The following OPCML variants were observed in gnomAD, a reference collection of about 807,000 sequenced individuals.
OPCML encodes opioid binding protein/cell adhesion molecule like, also known as opioid-binding protein/cell adhesion molecule.
OPCML carries 13 observed loss-of-function variants against 37.8 expected under a neutral mutation model. That is an observed-to-expected ratio of 0.34 (90% CI 0.22 to 0.55). The LOEUF is 0.55. Ranked by LOEUF, OPCML falls within the 20% of genes least tolerant of loss-of-function variation. The pLI, the probability that OPCML is intolerant of heterozygous loss-of-function variation, is 0.91. For synonymous variants in OPCML, 176 were observed against 168.8 expected (o/e 1.04, Z -0.33); for missense variants, 341 against 435.6 (o/e 0.78, Z 1.93).
At chr11:132,841,860 CAAAAAAAAAAA>C (rs71067402) in intron 2 of OPCML, among the ~76,000 whole-genome samples, 29 of 34,694 alleles carry the variant, frequency 8.4e-4, no homozygotes, top group Admixed American at 3.3e-3. Context: ...CACTCTATCT[CAAAAAAAAAAA>C]AAAAAAAAAA....
At chr11:133,271,194 C>A (rs1180120763) in intron 1 of OPCML, among the ~76,000 whole-genome samples, 1 of 152,112 alleles carries the variant, frequency 6.6e-6, no homozygotes, top group Non-Finnish European at 1.5e-5. Context: ...ATGCCTACCT[C>A]AAAACATTTT....
intron 4 of OPCML, among the ~76,000 whole-genome samples, chr11:132,494,657 C>G (rs2096225765): frequency 1.3e-5 from 2 of 152,164 alleles, no homozygotes; most frequent in Admixed American, 1.3e-4. Flanking sequence ...TGCAAGATTT[C>G]TATGATTTTT....
intron 1 of OPCML, chr11:133,065,458 G>GC (rs1454319513): frequency 6.6e-6 from 1 of 152,204 alleles, no homozygotes; most frequent in East Asian, 1.9e-4. Flanking sequence ...AGACAAATGT[G>GC]CCCCAGAGCC....
intron 1 of OPCML, among the ~76,000 whole-genome samples, chr11:133,255,434 A>C (rs1941213): frequency 0.32 from 48,351 of 151,954 alleles, 8,782 homozygotes; most frequent in East Asian, 0.82. Flanking sequence ...TGAGATTGGA[A>C]AAAAAAATCC....
At chr11:132,564,544 G>T (rs1320122767) in intron 3 of OPCML, among the ~76,000 whole-genome samples, 3 of 152,188 alleles carry the variant, frequency 2.0e-5, no homozygotes, top group African/African-American at 4.8e-5. Flanking sequence ...CATTTCTGGA[G>T]CTCCGCATAA....
chr11:133,379,433 A>G (rs1944885753), intron 1 of OPCML, among the ~76,000 whole-genome samples: 2 of 152,210 alleles, frequency 1.3e-5, no homozygotes, highest in African/African-American at 2.4e-5. Context: ...TTGTGTGCTC[A>G]TCAGGAAATT....
intron 1 of OPCML, among the ~76,000 whole-genome samples, chr11:133,388,831 T>C (rs1184609823): frequency 6.6e-6 from 1 of 152,234 alleles, no homozygotes; most frequent in Non-Finnish European, 1.5e-5. Context: ...TGACTTTGGA[T>C]ACTTGAAAAA....
chr11:132,510,017 G>A (rs1430988573), intron 4 of OPCML, among the ~76,000 whole-genome samples: 1 of 152,190 alleles, frequency 6.6e-6, no homozygotes, highest in Non-Finnish European at 1.5e-5. Flanking sequence ...GCTGTACCCT[G>A]TAAACCCACA....
intron 5 of OPCML, chr11:132,437,009 C>A: frequency 4.6e-6 from 4 of 865,094 alleles, no homozygotes; most frequent in Non-Finnish European, 5.6e-6. Context: ...TCTCAGTTAA[C>A]AATTCTCTCC....
chr11:132,518,549 C>A (rs1250390990), intron 4 of OPCML, among the ~76,000 whole-genome samples: 1 of 152,180 alleles, frequency 6.6e-6, no homozygotes. Context: ...ATGTGCTGTT[C>A]CCTGCCTTGA....
intron 2 of OPCML, among the ~76,000 whole-genome samples, chr11:132,779,439 A>G (rs1946920876): frequency 6.6e-6 from 1 of 152,126 alleles, no homozygotes; most frequent in Admixed American, 6.5e-5. Context: ...GCACTCCCTG[A>G]AACTGTGTTC....
intron 4 of OPCML, among the ~76,000 whole-genome samples, chr11:132,479,967 C>T (rs1592239110): frequency 1.3e-5 from 2 of 152,320 alleles, no homozygotes; most frequent in Middle Eastern, 3.4e-3. Flanking sequence ...AGCGCCTCTC[C>T]TCCTCCAAAG....
chr11:133,170,198 T>G (rs1950268995), intron 1 of OPCML, among the ~76,000 whole-genome samples: 3 of 152,200 alleles, frequency 2.0e-5, no homozygotes, highest in Admixed American at 6.5e-5. Flanking sequence ...GCCAGGCAAC[T>G]GGGCACGGTG....
At chr11:132,726,927 T>C (rs1442724401) in intron 2 of OPCML, among the ~76,000 whole-genome samples, 1 of 152,170 alleles carries the variant, frequency 6.6e-6, no homozygotes, top group African/African-American at 2.4e-5. Context: ...AAAATAATCC[T>C]ACAGTAAAAC....
At chr11:132,605,482 TG>T (rs1938225412) in intron 3 of OPCML, among the ~76,000 whole-genome samples, 1 of 151,922 alleles carries the variant, frequency 6.6e-6, no homozygotes, top group Non-Finnish European at 1.5e-5. Context: ...GAGAATAGCC[TG>T]AACCCGGGAG....
rs1939033055 is a variant in OPCML at position 133,205,680 on chromosome 11, A to C, written c.62-262670T>G. ...GATGTCAGAAGTGTTGCGTTGCGTG[A>C]GACAAGAGAGTAGGAAAAACATTTA... On this transcript the variant is annotated intron_variant, in intron 1 of 7. Coordinates refer to ENST00000524381, the MANE Select transcript of OPCML (RefSeq NM_001012393.5). This position sits in a 1 kb window ranked among gnomAD's most constrained non-coding sequence, Gnocchi z 4.8. 6.6e-6 allele frequency among the ~76,000 whole-genome samples: 1 copy of C among 152,246 alleles called. No individual in the cohort carries two copies. The highest frequency in any genetic ancestry group is 1.5e-5 in the Non-Finnish European group (1 of 68,042).
At chr11:132,850,516 G>GGTGTGTGT (rs66934308) in intron 2 of OPCML, among the ~76,000 whole-genome samples, 35 of 148,122 alleles carry the variant, frequency 2.4e-4, no homozygotes, top group African/African-American at 8.2e-4. Flanking sequence ...CTGTGGAAAG[G>GGTGTGTGT]GTGTGTGTGT....
Position 132,628,247 on chromosome 11 carries a change from G to A in OPCML, c.379+28840C>T, listed in dbSNP as rs555663622. ...AGAGAGCCAGAGCCACACGGCTCAC[G>A]TTACCAAGGGAAAAATGAGTGAATT... On this transcript the variant is annotated intron_variant, in intron 3 of 7. Transcript: ENST00000524381. Among the ~76,000 whole-genome samples, 10 of 152,172 alleles carry A rather than the reference G, an allele frequency of 6.6e-5. No homozygotes were observed. In the South Asian group the frequency reaches 1.2e-3, roughly 19 times the overall value.
At chr11:133,044,659 T>C (rs1947973458) in intron 1 of OPCML, among the ~76,000 whole-genome samples, 1 of 152,206 alleles carries the variant, frequency 6.6e-6, no homozygotes, top group Non-Finnish European at 1.5e-5. Flanking sequence ...TGTTAATTCA[T>C]ACATTATAAA....
Sources: gnomAD v4.1 joint callset for allele counts (sites outside exome capture counted in the v4.1 genomes callset) on GRCh38, gnomAD v4.1.1 for gene constraint, Gnocchi (gnomAD v3.1) non-coding constraint, MANE v1.5 for transcripts, NCBI Gene and HGNC (gene_info 2026-07-23, HGNC 2026-07-21) for gene names.